Variants in EIF6 observed in about 807,000 individuals in gnomAD.
EIF6 encodes the protein eukaryotic translation initiation factor 6, also known as B4 integrin interactor.
A neutral mutation model predicts 25.5 loss-of-function variants in EIF6; 10 were observed. The observed-to-expected ratio is 0.39, with a 90% CI of 0.24 to 0.66. EIF6 has a LOEUF of 0.66. Ranked by LOEUF, EIF6 falls within the 30% of genes least tolerant of loss-of-function variation. The pLI, the probability that EIF6 is intolerant of heterozygous loss-of-function variation, is 0.45. For missense variants in EIF6, 246 were observed against 315.4 expected (o/e 0.78, Z 1.67); for synonymous variants, 122 against 122.6 (o/e 1.00, Z 0.03).
chr20:35,279,813 C>G lies in EIF6; in HGVS notation c.547-66G>C, dbSNP rs138721183. 4.4e-4 allele frequency: 712 copies of G among 1,601,462 alleles called. 5 individuals are homozygous for G. The African/African-American group carries it at 8.5e-3, about 19-fold the overall frequency. ...TCTCTCCCTCCTCAATGAAGACTCT[C>G]CCCAAACCCTGCTCCTCCCTGACCT... On this transcript the variant is annotated intron_variant, in intron 5 of 6. Transcript: ENST00000374450.
intron 1 of EIF6, 80 bp downstream of exon 1, chr20:35,284,646 G>A: frequency 1.2e-6 from 1 of 849,544 alleles, no homozygotes. Flanking sequence ...CAGAACCTCC[G>A]GCCCTGAATC....
Position 35,284,265 on chromosome 20 carries a change from T to G in EIF6, c.108-4A>C, listed in dbSNP as rs1337076999. ...GGAGAGCTCGCCCTCGAACACACTG[T>G]AGGGACATGGACTCGGTGGTGGCGG... On this transcript the variant is annotated splice_polypyrimidine_tract_variant and splice_region_variant and intron_variant, in intron 2 of 6. Transcript: ENST00000374450. 1 of 1,613,558 alleles carries G rather than the reference T, an allele frequency of 6.2e-7. No homozygotes were observed. The highest frequency in any genetic ancestry group is 8.5e-7 in the Non-Finnish European group (1 of 1,179,982).
At chr20:35,279,518 C>CAAGTT in intron 6 of EIF6, 48 bp downstream of exon 6, 1 of 1,598,700 alleles carries the variant, frequency 6.3e-7, no homozygotes, top group Non-Finnish European at 8.5e-7. Context: ...TCTCAAAATG[C>CAAGTT]AAGTTAACCC....
At chr20:35,284,652 G>T in intron 1 of EIF6, 74 bp downstream of exon 1, 1 of 788,968 alleles carries the variant, frequency 1.3e-6, no homozygotes, top group Non-Finnish European at 2.0e-6. Flanking sequence ...CTCCGGCCCT[G>T]AATCCTCTGG....
rs1261742409 is a variant in EIF6 at position 35,278,969 on chromosome 20, TCAGCCAGCAGCCACAGGGCCTGC to T, written c.*205_*227del. On this transcript the variant is annotated 3_prime_UTR_variant, in exon 7 of 7. Transcript: ENST00000374450. ...GGGGTGGCACAGGACAGCAGAACCC[TCAGCCAGCAGCCACAGGGCCTGC>T]CAGCCAGCACAACAGAGCAGGTTTT... The T allele has an allele frequency of 6.6e-6, 4 of 605,090 alleles. No homozygotes were observed. The highest frequency in any genetic ancestry group is 1.2e-5 in the Non-Finnish European group (4 of 339,138). The allele number at this position is 605,090 out of a possible 1,614,324, so 37.5% of individuals were successfully genotyped here. A position where few individuals can be genotyped will look rare whatever the true frequency, so the allele number is the denominator to read the frequency against.
At chr20:35,283,229 TG>T (rs373707957) in intron 3 of EIF6, among the ~76,000 whole-genome samples, 123 of 151,990 alleles carry the variant, frequency 8.1e-4, no homozygotes, top group African/African-American at 2.8e-3. Flanking sequence ...AGTGTTGCAG[TG>T]AGCCAAGATC....
In EIF6 at chr20:35,284,042, T is replaced by C. The variant is rs1218252541; in HGVS notation, c.193+134A>G. On this transcript the variant is annotated intron_variant, in intron 3 of 6. Coordinates refer to ENST00000374450, the MANE Select transcript of EIF6 (RefSeq NM_002212.4). The stretch of plus-strand genomic sequence containing the variant: ...TGCCCCGATCTCCTGACGCTTGGCC[T>C]GAGAGATTCTATAGTGCCCAGAGAT... 6 of 1,173,596 alleles carry C rather than the reference T, an allele frequency of 5.1e-6. No individual in the cohort carries two copies. In the East Asian group the frequency reaches 1.2e-4, roughly 24 times the overall value. The allele number at this position is 1,173,596 out of a possible 1,614,324, so 72.7% of individuals were successfully genotyped here. A position where few individuals can be genotyped will look rare whatever the true frequency, so the allele number is the denominator to read the frequency against.
At chr20:35,282,770 C>G (rs774041712) in intron 3 of EIF6, among the ~76,000 whole-genome samples, 4 of 151,902 alleles carry the variant, frequency 2.6e-5, no homozygotes, top group Admixed American at 2.0e-4. Context: ...CCACCACACC[C>G]GGCTAATTTC....
In EIF6 at chr20:35,284,499, G is replaced by GCGGCGGAGGCGGGAGTTCAAGGC; in HGVS notation, c.-5-30_-5-8dup. 6.3e-7 allele frequency: 1 copy of GCGGCGGAGGCGGGAGTTCAAGGC among 1,589,432 alleles called. No homozygotes were observed. The highest frequency in any genetic ancestry group is 8.6e-7 in the Non-Finnish European group (1 of 1,162,076). Reference sequence around the variant, plus strand: ...GCTCGGACCGCCATGAGGCCTAGGGGCGGCGGAGGCGGGAGTTCAAGGCCG... The same window carrying GCGGCGGAGGCGGGAGTTCAAGGC: ...GCTCGGACCGCCATGAGGCCTAGGGGCGGCGGAGGCGGGAGTTCAAGGCCGGCGGAGGCGGGAGTTCAAGGCCG... On this transcript the variant is annotated splice_polypyrimidine_tract_variant and splice_region_variant and intron_variant, in intron 1 of 6. Coordinates refer to ENST00000374450, the MANE Select transcript of EIF6 (RefSeq NM_002212.4).
intron 4 of EIF6, 119 bp downstream of exon 4, chr20:35,280,535 A>G (rs2060765101): frequency 2.5e-6 from 3 of 1,223,338 alleles, no homozygotes; most frequent in Non-Finnish European, 2.3e-6. Context: ...CTGAAACTCA[A>G]GAGCCCATAT....
chr20:35,284,760 T>C lies in EIF6; in HGVS notation c.-40A>G, dbSNP rs903288848. 2.9e-5 allele frequency: 15 copies of C among 512,898 alleles called. No individual in the cohort carries two copies. The highest frequency in any genetic ancestry group is 4.5e-5 in the Non-Finnish European group (13 of 286,588). 31.8% of individuals were successfully genotyped at this position (512,898 alleles called of 1,614,324 possible). On this transcript the variant is annotated 5_prime_UTR_variant, in exon 1 of 7. Coordinates refer to ENST00000374450, the MANE Select transcript of EIF6 (RefSeq NM_002212.4). ...AGTAACAAGCTCCGCACGCGGCGAC[T>C]GTACCTTGGACTCCCTAAAAAGGTT...
intron 3 of EIF6, among the ~76,000 whole-genome samples, chr20:35,281,343 G>A (rs1461733747): frequency 6.7e-5 from 10 of 149,688 alleles, no homozygotes; most frequent in East Asian, 2.0e-4. Context: ...CCGAGATCGC[G>A]CCACTGCACT....
chr20:35,283,264 C>A (rs1320894833), intron 3 of EIF6, among the ~76,000 whole-genome samples: 1 of 150,914 alleles, frequency 6.6e-6, no homozygotes, highest in Non-Finnish European at 1.5e-5. Context: ...CCAGCCTGGG[C>A]AACAAGAGCG....
rs778102261 is a variant in EIF6 at position 35,284,431 on chromosome 20, G to A, written c.57C>T (p.Leu19=). The change falls in exon 2 of 7, where the codon CTC becomes CTT. Residue 19 remains leucine, a synonymous_variant. Transcript: ENST00000374450. ...TCGCTACCAGACAGTAGGTGTTGGTGAGCTTGGCAAAGCAGCCGATCTCAC... is the reference window on the plus strand; with the variant it reads ...TCGCTACCAGACAGTAGGTGTTGGTAAGCTTGGCAAAGCAGCCGATCTCAC... ...NNCEIGCFAK[L]TNTYCLVAIG... The A allele has an allele frequency of 8.7e-6, 14 of 1,613,702 alleles. No homozygotes were observed. The Admixed American group carries it at 2.0e-4, about 23-fold the overall frequency.
In EIF6 at chr20:35,284,462, T is replaced by C. The variant is rs1309507461; in HGVS notation, c.26A>G (p.Asn9Ser). 1 of 1,610,012 alleles carries C rather than the reference T, an allele frequency of 6.2e-7. No individual in the cohort carries two copies. The highest frequency in any genetic ancestry group is 8.5e-7 in the Non-Finnish European group (1 of 1,176,656). Residue 9 changes from asparagine (N) to serine (S), a missense_variant, in exon 2 of 7, where the codon AAC becomes AGC. By Grantham distance (46) the Asn-to-Ser change is conservative. Transcript: ENST00000374450. The part of the protein sequence containing the change: MAVRASFE[N>S]NCEIGCFAKL... Reference sequence around the variant, plus strand: ...GGCAAAGCAGCCGATCTCACAGTTGTTCTCGAACGAAGCTCGGACCGCCAT... The same window carrying C: ...GGCAAAGCAGCCGATCTCACAGTTGCTCTCGAACGAAGCTCGGACCGCCAT...
At chr20:35,279,504 A>G (rs1177495404) in intron 6 of EIF6, 62 bp downstream of exon 6, 6 of 1,587,836 alleles carry the variant, frequency 3.8e-6, no homozygotes, top group Non-Finnish European at 5.1e-6. Context: ...TCTTTTCCCC[A>G]TACTCTCAAA....
At position 35,284,499 on chromosome 20, in the gene EIF6, G is replaced by A. The variant is rs1568632307; in HGVS notation, c.-5-7C>T. On this transcript the variant is annotated splice_region_variant and splice_polypyrimidine_tract_variant and intron_variant, in intron 1 of 6. Transcript: ENST00000374450. ...GCTCGGACCGCCATGAGGCCTAGGG[G>A]CGGCGGAGGCGGGAGTTCAAGGCCG... 4 of 1,589,432 alleles carry A rather than the reference G, an allele frequency of 2.5e-6. No homozygotes were observed. Among genetic ancestry groups the A allele is most frequent in the Non-Finnish European group, 2.6e-6 (3 of 1,162,076 alleles).
Position 35,278,950 on chromosome 20 carries a change from G to C in EIF6, c.*247C>G, listed in dbSNP as rs7004. 0.22 allele frequency: 125,730 copies of C among 573,580 alleles called. 14,656 individuals carry two copies. The highest frequency in any genetic ancestry group is 0.33 in the South Asian group (16,886 of 51,228). 35.5% of individuals were successfully genotyped at this position (573,580 alleles called of 1,614,324 possible). ...GAGGGAACTGCACTTTAATGGGGTG[G>C]CACAGGACAGCAGAACCCTCAGCCA... On this transcript the variant is annotated 3_prime_UTR_variant, in exon 7 of 7. Coordinates refer to ENST00000374450, the MANE Select transcript of EIF6 (RefSeq NM_002212.4).
At chr20:35,282,824 A>T (rs2060788379) in intron 3 of EIF6, among the ~76,000 whole-genome samples, 1 of 152,000 alleles carries the variant, frequency 6.6e-6, no homozygotes, top group African/African-American at 2.4e-5. Flanking sequence ...TGGTCAGGTT[A>T]GTCTCGAACT....
Sources: allele counts gnomAD v4.1 joint callset (sites outside exome capture counted in the v4.1 genomes callset), GRCh38; gene constraint gnomAD v4.1.1; transcripts MANE v1.5; gene names NCBI Gene and HGNC (gene_info 2026-07-23, HGNC 2026-07-21).